TFEC: variants seen among roughly 807,000 people sequenced by gnomAD.
TFEC encodes the protein transcription factor EC, also known as class E basic helix-loop-helix protein 34.
A neutral mutation model predicts 41.6 loss-of-function variants in TFEC; 31 were observed. That is an observed-to-expected ratio of 0.74 (90% CI 0.56 to 1.01). The LOEUF is 1.01. Among genes scored for constraint, TFEC ranks in the 50% least tolerant of loss-of-function variants. The pLI is 0.00. For missense variants in TFEC, 402 were observed against 404.1 expected, an observed-to-expected ratio of 0.99 and a Z score of 0.04; for synonymous variants, 143 against 140.6, an observed-to-expected ratio of 1.02 and a Z score of -0.12.
chr7:116,043,003 C>A (rs1285262314), intron 3 of TFEC, among the ~76,000 whole-genome samples: 2 of 152,096 alleles, frequency 1.3e-5, no homozygotes, highest in African/African-American at 4.8e-5. Flanking sequence ...TCTTTGTACT[C>A]GTTAACTCAA....
intron 1 of TFEC, among the ~76,000 whole-genome samples, chr7:115,990,450 G>A (rs981741862): frequency 6.6e-6 from 1 of 152,168 alleles, no homozygotes; most frequent in African/African-American, 2.4e-5. Flanking sequence ...AAAGGAGGAT[G>A]TTCGAACTCA....
chr7:116,079,649 A>C (rs1797042953), intron 3 of TFEC, among the ~76,000 whole-genome samples: 1 of 152,144 alleles, frequency 6.6e-6, no homozygotes, highest in African/African-American at 2.4e-5. Context: ...CTACAAGGAA[A>C]ACTACAAAAC....
intron 1 of TFEC, among the ~76,000 whole-genome samples, chr7:116,130,883 A>T (rs1462073110): frequency 1.3e-5 from 2 of 152,190 alleles, no homozygotes; most frequent in Non-Finnish European, 2.9e-5. Flanking sequence ...AAGTACTGGG[A>T]TTATAGGCAT....
chr7:115,941,821 C>A, intron 7 of TFEC, 72 bp downstream of exon 7: 3 of 1,466,042 alleles, frequency 2.0e-6, no homozygotes, highest in Non-Finnish European at 2.7e-6. Context: ...ATAAATGAGA[C>A]CAATGAAGAA....
chr7:116,013,224 G>A (rs1205240913), intron 1 of TFEC, among the ~76,000 whole-genome samples: 1 of 151,900 alleles, frequency 6.6e-6, no homozygotes, highest in Non-Finnish European at 1.5e-5. Flanking sequence ...AATTATTCTT[G>A]AATTTTTGTG....
Position 115,950,965 on chromosome 7 carries a change from T to C in TFEC, c.440-16A>G, listed in dbSNP as rs1469553954. The C allele has an allele frequency of 1.4e-6, 2 of 1,473,588 alleles. No individual in the cohort carries two copies. Among genetic ancestry groups the C allele is most frequent in the Non-Finnish European group, 1.9e-6 (2 of 1,064,186 alleles). The allele number at this position is 1,473,588 out of a possible 1,614,324, so 91.3% of individuals were successfully genotyped here. Reference sequence around the variant, plus strand: ...CTTCTTTCAACTATTAAAGAAGAAATATTATTGATTATTCTCATTAATGCA... The same window carrying C: ...CTTCTTTCAACTATTAAAGAAGAAACATTATTGATTATTCTCATTAATGCA... On this transcript the variant is annotated splice_polypyrimidine_tract_variant and intron_variant, in intron 5 of 7. Transcript: ENST00000265440.
intron 3 of TFEC, among the ~76,000 whole-genome samples, chr7:116,080,846 C>T (rs997334594): frequency 1.3e-5 from 2 of 151,962 alleles, no homozygotes; most frequent in Admixed American, 6.6e-5. Flanking sequence ...AGGTATCTGG[C>T]CAGATGAAAA....
At chr7:116,032,341 C>G (rs2130896019), upstream of TFEC, among the ~76,000 whole-genome samples, 3 of 152,050 alleles carry the variant, frequency 2.0e-5, no homozygotes, top group Middle Eastern at 6.8e-3. Context: ...GGTATATGCC[C>G]AAAGGAATAT....
intron 1 of TFEC, among the ~76,000 whole-genome samples, chr7:116,005,395 G>A (rs779269672): frequency 1.7e-4 from 26 of 152,158 alleles, no homozygotes; most frequent in Non-Finnish European, 3.8e-4. Flanking sequence ...GGTCTCAGAG[G>A]GAGATGAGGA....
chr7:115,998,012 G>A (rs1794435925), intron 1 of TFEC, among the ~76,000 whole-genome samples: 2 of 152,088 alleles, frequency 1.3e-5, no homozygotes, highest in African/African-American at 4.8e-5. Flanking sequence ...AGAGGAGGTA[G>A]AGGAAGAGAG....
intron 3 of TFEC, among the ~76,000 whole-genome samples, chr7:116,109,718 T>C (rs920867474): frequency 5.3e-5 from 8 of 152,224 alleles, no homozygotes; most frequent in African/African-American, 1.9e-4. Flanking sequence ...AGCCATCCCA[T>C]TACTGGGTAT....
At chr7:115,990,839 T>C (rs1213780748) in intron 1 of TFEC, among the ~76,000 whole-genome samples, 1 of 152,084 alleles carries the variant, frequency 6.6e-6, no homozygotes, top group Non-Finnish European at 1.5e-5. Flanking sequence ...TTCCCCAATC[T>C]AGCAAGGCAG....
In TFEC at chr7:115,937,594, G is replaced by A. The variant is rs1318578659; in HGVS notation, c.*2957C>T. On this transcript the variant is annotated 3_prime_UTR_variant, in exon 8 of 8. Transcript: ENST00000265440. ...TAGAAGGCATAGTTTGCTGAGTGGG[G>A]AGGACATGTTTGATAAACGACTACT... 1 of 151,750 alleles carries A rather than the reference G, an allele frequency of 6.6e-6. No homozygotes were observed. Among genetic ancestry groups the A allele is most frequent in the East Asian group, 1.9e-4 (1 of 5,182 alleles). 9.4% of individuals were successfully genotyped at this position (151,750 alleles called of 1,614,324 possible).
At chr7:116,109,317 C>G (rs1797794717) in intron 3 of TFEC, among the ~76,000 whole-genome samples, 1 of 152,196 alleles carries the variant, frequency 6.6e-6, no homozygotes, top group African/African-American at 2.4e-5. Flanking sequence ...ATTTTGCAAT[C>G]TACTCATCTG....
At chr7:116,016,479 T>G (rs748273986) in intron 1 of TFEC, among the ~76,000 whole-genome samples, 1 of 152,180 alleles carries the variant, frequency 6.6e-6, no homozygotes. Context: ...GAAGCTCACA[T>G]GCAGTGACTT....
At chr7:115,956,037 C>G (rs1288494592) in intron 4 of TFEC, among the ~76,000 whole-genome samples, 1 of 151,962 alleles carries the variant, frequency 6.6e-6, no homozygotes, top group African/African-American at 2.4e-5. Flanking sequence ...TTACGTTGAT[C>G]CAGTTCTGCC....
intron 6 of TFEC, among the ~76,000 whole-genome samples, chr7:115,950,655 A>C (rs946574640): frequency 8.5e-5 from 13 of 152,108 alleles, no homozygotes; most frequent in Non-Finnish European, 1.2e-4. Context: ...TAACTTATTT[A>C]CTTCTTATAG....
chr7:116,002,385 G>A (rs1794631707), intron 1 of TFEC, among the ~76,000 whole-genome samples: 1 of 152,154 alleles, frequency 6.6e-6, no homozygotes, highest in Non-Finnish European at 1.5e-5. Context: ...CAGCATGGAC[G>A]GTGCTGGAAG....
chr7:116,101,490 T>A (rs1314518081), intron 3 of TFEC, among the ~76,000 whole-genome samples: 1 of 152,216 alleles, frequency 6.6e-6, no homozygotes, highest in African/African-American at 2.4e-5. Context: ...TAAATAAGTT[T>A]AACATATATG....
Sources: gnomAD v4.1 joint callset for allele counts (sites outside exome capture counted in the v4.1 genomes callset) on GRCh38, gnomAD v4.1.1 for gene constraint, MANE v1.5 for transcripts, NCBI Gene and HGNC (gene_info 2026-07-23, HGNC 2026-07-21) for gene names.